Variants in NPAS3 observed in about 807,000 individuals in gnomAD.
NPAS3 encodes the protein neuronal PAS domain-containing protein 3.
Under a neutral mutation model 73.1 loss-of-function variants are expected in NPAS3, and 14 were observed. The ratio of observed to expected loss-of-function variants is 0.19; its 90% CI spans 0.13 to 0.30. The LOEUF is 0.30. Among genes scored for constraint, NPAS3 ranks in the 10% least tolerant of loss-of-function variants. The pLI is 1.00. For missense variants in NPAS3, 1,096 were observed against 1,250.0 expected (o/e 0.88, Z 1.86); for synonymous variants, 620 against 541.5 (o/e 1.14, Z -2.01).
chr14:33,308,834 T>A (rs895985021), intron 3 of NPAS3, among the ~76,000 whole-genome samples: 45 of 152,142 alleles, frequency 3.0e-4, no homozygotes, highest in African/African-American at 9.4e-4. Context: ...TGCAATGACA[T>A]AAAATTGTAT....
intron 4 of NPAS3, among the ~76,000 whole-genome samples, chr14:33,517,516 G>A (rs1474879752): frequency 6.6e-6 from 1 of 151,970 alleles, no homozygotes; most frequent in Non-Finnish European, 1.5e-5. Flanking sequence ...TTTCTCATGG[G>A]TGTATTGCTG....
chr14:33,319,661 A>G (rs372462096), intron 3 of NPAS3, among the ~76,000 whole-genome samples: 2 of 152,176 alleles, frequency 1.3e-5, no homozygotes, highest in African/African-American at 2.4e-5. Flanking sequence ...AAATCTGTCA[A>G]TCTAAAGTGT....
At chr14:33,472,514 T>A (rs1420220693) in intron 4 of NPAS3, among the ~76,000 whole-genome samples, 1 of 152,198 alleles carries the variant, frequency 6.6e-6, no homozygotes, top group East Asian at 1.9e-4. Flanking sequence ...CACCTCTAAC[T>A]GTCATTTTTC....
chr14:33,637,891 AT>A (rs1291273077), intron 5 of NPAS3, among the ~76,000 whole-genome samples: 1 of 152,218 alleles, frequency 6.6e-6, no homozygotes, highest in East Asian at 1.9e-4. Flanking sequence ...GTTGTCTAAG[AT>A]GCAGAATCTA....
At chr14:33,210,480 C>T (rs1482463738) in intron 2 of NPAS3, among the ~76,000 whole-genome samples, 2 of 152,174 alleles carry the variant, frequency 1.3e-5, no homozygotes, top group South Asian at 2.1e-4. Flanking sequence ...TTCCCCACTT[C>T]TGGGCACCAC....
chr14:33,191,651 G>A (rs145174530), intron 2 of NPAS3, among the ~76,000 whole-genome samples: 4 of 152,266 alleles, frequency 2.6e-5, no homozygotes, highest in African/African-American at 9.6e-5. Context: ...CTAATTTTCA[G>A]AAATACTATG....
At chr14:33,332,877 G>T (rs1055366566) in intron 3 of NPAS3, among the ~76,000 whole-genome samples, 1 of 152,190 alleles carries the variant, frequency 6.6e-6, no homozygotes. Flanking sequence ...GACCTGCAAG[G>T]TTATGCCAAT....
At chr14:33,433,257 A>ATTT (rs2048853886) in intron 4 of NPAS3, among the ~76,000 whole-genome samples, 1 of 152,198 alleles carries the variant, frequency 6.6e-6, no homozygotes, top group Non-Finnish European at 1.5e-5. Flanking sequence ...TATCAATTAT[A>ATTT]TTTTTAAAGC....
chr14:33,535,408 G>C (rs1263871251), intron 4 of NPAS3, among the ~76,000 whole-genome samples: 1 of 152,138 alleles, frequency 6.6e-6, no homozygotes, highest in African/African-American at 2.4e-5. Context: ...TGCAAATGTG[G>C]CAAACCTTTT....
chr14:33,763,675 C>G (rs28688903), intron 7 of NPAS3, among the ~76,000 whole-genome samples: 19,608 of 152,154 alleles, frequency 0.13, 2,412 homozygotes, highest in East Asian at 0.35. Flanking sequence ...TTGGCTTCCA[C>G]TCTGCATTCT....
chr14:33,172,688 A>G (rs1371781484), intron 2 of NPAS3, among the ~76,000 whole-genome samples: 1 of 151,974 alleles, frequency 6.6e-6, no homozygotes, highest in Non-Finnish European at 1.5e-5. Flanking sequence ...CTGAACTGAG[A>G]TCATGCCACA....
chr14:32,940,076 A>G (rs2035924193), intron 1 of NPAS3, among the ~76,000 whole-genome samples: 1 of 152,352 alleles, frequency 6.6e-6, no homozygotes, highest in Middle Eastern at 3.4e-3. Context: ...GGAAAAAGAA[A>G]AATAAAGAAG....
chr14:33,733,520 CT>C (rs1244964697), intron 6 of NPAS3, among the ~76,000 whole-genome samples: 1 of 151,996 alleles, frequency 6.6e-6, no homozygotes, highest in East Asian at 1.9e-4. Flanking sequence ...ATGGGAATCT[CT>C]GATAAGAGAA....
At chr14:33,390,029 G>T (rs1188319212) in intron 4 of NPAS3, among the ~76,000 whole-genome samples, 1 of 123,330 alleles carries the variant, frequency 8.1e-6, no homozygotes, top group Non-Finnish European at 1.7e-5. Flanking sequence ...ATGTCATCTA[G>T]AATGATTTGT....
At chr14:33,362,186 G>T (rs2045635327) in intron 3 of NPAS3, among the ~76,000 whole-genome samples, 1 of 152,080 alleles carries the variant, frequency 6.6e-6, no homozygotes, top group Non-Finnish European at 1.5e-5. Context: ...CTCCAAACCT[G>T]AAAATCTCCC....
At chr14:33,292,313 G>A (rs1229865894) in intron 3 of NPAS3, among the ~76,000 whole-genome samples, 1 of 152,108 alleles carries the variant, frequency 6.6e-6, no homozygotes, top group Admixed American at 6.5e-5. Context: ...GAACTAGGAA[G>A]GATAATAGAC....
intron 3 of NPAS3, among the ~76,000 whole-genome samples, chr14:33,262,943 A>G (rs1257414661): frequency 6.6e-6 from 1 of 152,036 alleles, no homozygotes; most frequent in Non-Finnish European, 1.5e-5. Flanking sequence ...GTCTGTTCAT[A>G]TCCTTTGCCC....
At chr14:33,371,733 C>T (rs937880893) in intron 4 of NPAS3, among the ~76,000 whole-genome samples, 8 of 151,994 alleles carry the variant, frequency 5.3e-5, no homozygotes, top group African/African-American at 1.9e-4. Context: ...TATTGAAAAG[C>T]ATATTTTCTA....
intron 2 of NPAS3, among the ~76,000 whole-genome samples, chr14:33,085,847 T>G (rs562559203): frequency 1.3e-5 from 2 of 152,344 alleles, no homozygotes; most frequent in African/African-American, 2.4e-5. Context: ...TATAGTTACT[T>G]TCATATGAGT....
Sources: allele counts gnomAD v4.1 joint callset (sites outside exome capture counted in the v4.1 genomes callset), GRCh38; gene constraint gnomAD v4.1.1; transcripts MANE v1.5; gene names NCBI Gene and HGNC (gene_info 2026-07-23, HGNC 2026-07-21).